The following COMMD1 variants were observed in gnomAD, a reference collection of about 807,000 sequenced individuals.
COMMD1 encodes the protein copper metabolism domain containing 1.
Under a neutral mutation model 17.2 loss-of-function variants are expected in COMMD1, and 10 were observed. The ratio of observed to expected loss-of-function variants is 0.58; its 90% CI spans 0.36 to 0.99. The LOEUF is 0.99. Ranked by LOEUF, COMMD1 falls within the 50% of genes least tolerant of loss-of-function variation. The probability of loss-of-function intolerance (pLI) is 0.01; values close to 1 mark genes in which losing one functional copy is unlikely to be tolerated. For synonymous variants in COMMD1, 97 were observed against 91.6 expected (o/e 1.06, Z -0.34); for missense variants, 270 against 231.8 (o/e 1.17, Z -1.07).
intron 1 of COMMD1, among the ~76,000 whole-genome samples, chr2:61,975,096 T>G (rs1441628209): frequency 3.3e-5 from 5 of 150,624 alleles, no homozygotes; most frequent in Non-Finnish European, 4.4e-5. Flanking sequence ...TGGCCTTTCA[T>G]GGCTCGATAG....
chr2:61,961,865 A>C (rs1573005550), intron 1 of COMMD1, among the ~76,000 whole-genome samples: 1 of 152,110 alleles, frequency 6.6e-6, no homozygotes, highest in South Asian at 2.1e-4. Context: ...GTTCCTTTAA[A>C]CAAGTAGGGA....
chr2:62,118,362 G>A (rs1299071124), intron 2 of COMMD1: 1 of 152,136 alleles, frequency 6.6e-6, no homozygotes, highest in Non-Finnish European at 1.5e-5. Flanking sequence ...TTGAACAAAG[G>A]CCCCAGCAAC....
At chr2:62,067,779 C>T (rs1346508283) in intron 2 of COMMD1, among the ~76,000 whole-genome samples, 2 of 152,132 alleles carry the variant, frequency 1.3e-5, no homozygotes, top group Admixed American at 1.3e-4. Flanking sequence ...TAGGGCAGGA[C>T]ACCTGTCACT....
At chr2:61,950,586 C>T (rs1334957467) in intron 1 of COMMD1, among the ~76,000 whole-genome samples, 7 of 152,134 alleles carry the variant, frequency 4.6e-5, no homozygotes, top group Middle Eastern at 3.2e-3. Flanking sequence ...GTCACTTTTT[C>T]GCTTAAAGGA....
At position 62,007,894 on chromosome 2, in the gene COMMD1, G is replaced by A. The variant is rs141597618; in HGVS notation, c.462+6912G>A. On this transcript the variant is annotated intron_variant, in intron 2 of 2. Transcript: ENST00000311832. ...TGCTAAAACATATAATTAATAATCC[G>A]TTTATGTCTGGGCGCAGTGGCTCAC... 2.6e-3 allele frequency among the ~76,000 whole-genome samples: 403 copies of A among 152,176 alleles called. 1 individual carries two copies. The highest frequency in any genetic ancestry group is 8.5e-3 in the African/African-American group (352 of 41,514).
At chr2:62,123,509 A>T (rs1051223754) in intron 2 of COMMD1, among the ~76,000 whole-genome samples, 1 of 149,170 alleles carries the variant, frequency 6.7e-6, no homozygotes, top group African/African-American at 2.6e-5. Flanking sequence ...GTGAAAAAAA[A>T]ATTAAAAAAA....
At chr2:62,042,622 G>C (rs577735833) in intron 2 of COMMD1, among the ~76,000 whole-genome samples, 1 of 152,176 alleles carries the variant, frequency 6.6e-6, no homozygotes, top group African/African-American at 2.4e-5. Context: ...ACCTCCCCGC[G>C]AGCAGGGGGA....
intron 1 of COMMD1, among the ~76,000 whole-genome samples, chr2:61,907,765 T>A (rs189890648): frequency 1.8e-3 from 274 of 152,190 alleles, no homozygotes; most frequent in African/African-American, 5.6e-3. Flanking sequence ...ATCTCCGCTC[T>A]CTACAACCTC....
chr2:61,937,359 T>C (rs1309949631), intron 1 of COMMD1, among the ~76,000 whole-genome samples: 1 of 152,154 alleles, frequency 6.6e-6, no homozygotes, highest in African/African-American at 2.4e-5. Flanking sequence ...TTGTCCAAGA[T>C]TTGCCAGAGG....
At chr2:61,999,341 A>G (rs1668855998) in intron 1 of COMMD1, among the ~76,000 whole-genome samples, 2 of 152,354 alleles carry the variant, frequency 1.3e-5, no homozygotes, top group South Asian at 4.1e-4. Context: ...ATGGCAATTA[A>G]CTTTTGAAAA....
At chr2:62,051,868 G>A (rs1316245919) in intron 2 of COMMD1, among the ~76,000 whole-genome samples, 4 of 152,182 alleles carry the variant, frequency 2.6e-5, no homozygotes, top group African/African-American at 2.4e-5. Context: ...GCAACTATTA[G>A]CATTCGGTGA....
At chr2:62,041,531 A>C (rs1328609006) in intron 2 of COMMD1, among the ~76,000 whole-genome samples, 1 of 152,058 alleles carries the variant, frequency 6.6e-6, no homozygotes, top group Non-Finnish European at 1.5e-5. Flanking sequence ...TTAGCCTCCC[A>C]AGTAGCTGGG....
At chr2:61,916,259 G>C (rs1040763494) in intron 1 of COMMD1, among the ~76,000 whole-genome samples, 13 of 151,610 alleles carry the variant, frequency 8.6e-5, no homozygotes, top group African/African-American at 3.1e-4. Flanking sequence ...ACCACACCTG[G>C]TCTCTTCTGG....
chr2:62,048,210 T>C (rs1388480400), intron 2 of COMMD1, among the ~76,000 whole-genome samples: 1 of 136,008 alleles, frequency 7.4e-6, no homozygotes, highest in African/African-American at 2.9e-5. Context: ...TGAGATGGAG[T>C]CTCGCTCTGT....
intron 1 of COMMD1, among the ~76,000 whole-genome samples, chr2:61,919,537 C>T (rs1356505769): frequency 6.8e-6 from 1 of 146,122 alleles, no homozygotes; most frequent in African/African-American, 2.5e-5. Context: ...GATCAGGCTT[C>T]ATCGCGTTTT....
rs180862537 is a variant in COMMD1, at chr2:61,922,653, T to C, written c.180+16795T>C. ...AGTTTTATTATAAAAATTTGCGAGG[T>C]TTATTTCTTTCCCCTTATGTAACTT... On this transcript the variant is annotated intron_variant, in intron 1 of 2. Coordinates refer to ENST00000311832, the MANE Select transcript of COMMD1 (RefSeq NM_152516.4). Among the ~76,000 whole-genome samples, 81 of 152,248 alleles carry C rather than the reference T, an allele frequency of 5.3e-4. 1 individual carries two copies. Among genetic ancestry groups the C allele is most frequent in the Admixed American group, 5.0e-3 (77 of 15,288 alleles).
At chr2:61,934,667 A>G (rs1670557988) in intron 1 of COMMD1, among the ~76,000 whole-genome samples, 1 of 152,222 alleles carries the variant, frequency 6.6e-6, no homozygotes, top group South Asian at 2.1e-4. Flanking sequence ...TCAATTAAGA[A>G]AGGGATGTGA....
At chr2:62,049,320 C>A (rs1337138092) in intron 2 of COMMD1, among the ~76,000 whole-genome samples, 1 of 151,894 alleles carries the variant, frequency 6.6e-6, no homozygotes, top group African/African-American at 2.4e-5. Flanking sequence ...TGGGAAAATC[C>A]CAAATAAGAT....
intron 1 of COMMD1, among the ~76,000 whole-genome samples, chr2:62,000,333 C>T (rs890178813): frequency 4.8e-5 from 7 of 146,094 alleles, no homozygotes; most frequent in Non-Finnish European, 8.9e-5. Context: ...AGTGCAGTGG[C>T]GCAATTTTGG....
Sources: gnomAD v4.1 joint callset for allele counts (sites outside exome capture counted in the v4.1 genomes callset) on GRCh38, gnomAD v4.1.1 for gene constraint, MANE v1.5 for transcripts, NCBI Gene and HGNC (gene_info 2026-07-23, HGNC 2026-07-21) for gene names.